PIWIL3: variants seen among roughly 807,000 people sequenced by gnomAD.
PIWIL3 encodes the protein piwi like RNA-mediated gene silencing 3.
A neutral mutation model predicts 109.7 loss-of-function variants in PIWIL3; 101 were observed. The observed-to-expected ratio is 0.92, with a 90% CI of 0.78 to 1.09. PIWIL3 has a LOEUF of 1.09. Ranked by LOEUF, PIWIL3 falls within the 50% of genes least tolerant of loss-of-function variation. The probability of loss-of-function intolerance (pLI) is 0.00; values close to 1 mark genes in which losing one functional copy is unlikely to be tolerated. For synonymous variants in PIWIL3, 373 were observed against 376.4 expected (o/e 0.99, Z 0.10); for missense variants, 1,031 against 1,072.6 (o/e 0.96, Z 0.54).
At chr22:24,758,579 G>A (rs1388343739) in intron 3 of PIWIL3, among the ~76,000 whole-genome samples, 1 of 152,160 alleles carries the variant, frequency 6.6e-6, no homozygotes, top group Non-Finnish European at 1.5e-5. Flanking sequence ...AGTGACGAGA[G>A]GCATCCTGAA....
intron 12 of PIWIL3, among the ~76,000 whole-genome samples, chr22:24,746,034 A>C (rs1079850): frequency 1.8e-3 from 279 of 152,326 alleles, no homozygotes; most frequent in African/African-American, 6.2e-3. Flanking sequence ...CATTTAAAGA[A>C]GAACTAATAC....
chr22:24,749,554 A>G, intron 10 of PIWIL3, 33 bp from the exon 11 acceptor site: 1 of 1,612,336 alleles, frequency 6.2e-7, no homozygotes, highest in Non-Finnish European at 8.5e-7. Context: ...CAGCTGAACA[A>G]GCATGAATTT....
intron 3 of PIWIL3, among the ~76,000 whole-genome samples, chr22:24,759,441 A>G (rs955395613): frequency 1.3e-5 from 2 of 152,228 alleles, no homozygotes; most frequent in Admixed American, 1.3e-4. Flanking sequence ...TTAGCAAATG[A>G]CAATATCTGA....
intron 1 of PIWIL3, among the ~76,000 whole-genome samples, chr22:24,762,735 G>A (rs898723658): frequency 7.9e-5 from 12 of 152,314 alleles, no homozygotes; most frequent in African/African-American, 2.9e-4. Context: ...AGCAAAAGTG[G>A]GGGAGAGATG....
intron 19 of PIWIL3, among the ~76,000 whole-genome samples, chr22:24,720,516 C>T (rs563789938): frequency 6.6e-6 from 1 of 152,228 alleles, no homozygotes; most frequent in East Asian, 1.9e-4. Flanking sequence ...CATGATCTGC[C>T]TGCCTCGGCC....
rs755077231 is a variant in PIWIL3, at chr22:24,719,728, A to T, written c.2505+20T>A. On this transcript the variant is annotated intron_variant, in intron 20 of 20. Coordinates refer to ENST00000616349, the MANE Select transcript of PIWIL3 (RefSeq NM_001255975.1). ...GTACATTTAAAAAATCTGAAGAAAA[A>T]AGTAACAAAAAGTACTTACTGGCAA... 5 of 1,599,190 alleles carry T rather than the reference A, an allele frequency of 3.1e-6. No homozygotes were observed. Among genetic ancestry groups the T allele is most frequent in the Non-Finnish European group, 1.7e-6 (2 of 1,167,208 alleles).
intron 1 of PIWIL3, among the ~76,000 whole-genome samples, chr22:24,770,205 C>A (rs1225044470): frequency 2.0e-5 from 3 of 152,138 alleles, no homozygotes; most frequent in Non-Finnish European, 4.4e-5. Flanking sequence ...GGTCACACAG[C>A]TAGCAAGTAT....
intron 12 of PIWIL3, among the ~76,000 whole-genome samples, chr22:24,748,063 T>C (rs1924475991): frequency 6.6e-6 from 1 of 151,956 alleles, no homozygotes. Flanking sequence ...ATGAAGAAAA[T>C]GTGATACATA....
At chr22:24,732,561 C>T (rs1923414309) in intron 14 of PIWIL3, among the ~76,000 whole-genome samples, 5 of 152,160 alleles carry the variant, frequency 3.3e-5, no homozygotes, top group Non-Finnish European at 4.4e-5. Flanking sequence ...CGGTGGCTCA[C>T]GCCTGTAATC....
At chr22:24,741,758 T>C (rs1222913200) in intron 12 of PIWIL3, among the ~76,000 whole-genome samples, 1 of 151,978 alleles carries the variant, frequency 6.6e-6, no homozygotes, top group East Asian at 1.9e-4. Flanking sequence ...TGCAAATACA[T>C]GGAAATTAGA....
In PIWIL3 at chr22:24,744,207, A is replaced by AC. The variant is rs758211159; in HGVS notation, c.1449+4699dup. On this transcript the variant is annotated intron_variant, in intron 12 of 20. Coordinates refer to ENST00000616349, the MANE Select transcript of PIWIL3 (RefSeq NM_001255975.1). Reference sequence around the variant, plus strand: ...AAAAAAAAAAAAAAAAAAAAAAAAAACAATGATCTGCTGCCTGCAAAAAAC... The same window carrying AC: ...AAAAAAAAAAAAAAAAAAAAAAAAAACCAATGATCTGCTGCCTGCAAAAAAC... 6.8e-4 allele frequency among the ~76,000 whole-genome samples: 92 copies of AC among 135,142 alleles called. 2 individuals are homozygous for AC. Among genetic ancestry groups the AC allele is most frequent in the South Asian group, 4.0e-3 (16 of 4,012 alleles). 88.7% of individuals were successfully genotyped at this position (135,142 alleles called of 152,430 possible). A position where few individuals can be genotyped will look rare whatever the true frequency, so the allele number is the denominator to read the frequency against.
intron 8 of PIWIL3, 135 bp from the exon 9 acceptor site, chr22:24,751,633 G>A (rs1265193823): frequency 2.1e-6 from 3 of 1,402,040 alleles, no homozygotes; most frequent in East Asian, 5.0e-5. Context: ...TTCACATACT[G>A]TACAACTCAC....
Position 24,728,337 on chromosome 22 carries a change from T to A in PIWIL3, c.1745A>T (p.Tyr582Phe), listed in dbSNP as rs1229607958. 6.2e-7 allele frequency: 1 copy of A among 1,614,194 alleles called. No homozygotes were observed. The highest frequency in any genetic ancestry group is 1.1e-5 in the South Asian group (1 of 91,080). The stretch of plus-strand genomic sequence containing the variant: ...ACATAGGTATCTTTTTATGCTGTCA[T>A]ATCTACGTTTGTCATCATTGGGCAG... ...CILPNDDKRR[Y>F]DSIKRYLCTK... The change falls in exon 15 of 21, where the codon TAT becomes TTT. Residue 582 changes from tyrosine (Y) to phenylalanine (F), a missense_variant. Physicochemically the swap from Tyr to Phe is conservative, Grantham distance 22 (BLOSUM62 3). Transcript: ENST00000616349.
At chr22:24,719,694 T>C (rs997214093) in intron 20 of PIWIL3, 54 bp downstream of exon 20, 38 of 1,571,338 alleles carry the variant, frequency 2.4e-5, no homozygotes, top group Non-Finnish European at 3.3e-5. Flanking sequence ...CATTGTTCAA[T>C]GTTGAATAGT....
Position 24,722,247 on chromosome 22 carries a change from T to C in PIWIL3, c.2357+883A>G, listed in dbSNP as rs1343294302. Reference sequence around the variant, plus strand: ...ACAGGTGCCCGCCACCATGCCCGGCTAATTTTTTGTATTTTTAGTGGAGAC... The same window carrying C: ...ACAGGTGCCCGCCACCATGCCCGGCCAATTTTTTGTATTTTTAGTGGAGAC... On this transcript the variant is annotated intron_variant, in intron 19 of 20. Transcript: ENST00000616349. Among the ~76,000 whole-genome samples the C allele has an allele frequency of 4.6e-5, 7 of 152,204 alleles. No homozygotes were observed. The East Asian group carries it at 1.4e-3, about 30-fold the overall frequency.
intron 14 of PIWIL3, among the ~76,000 whole-genome samples, chr22:24,731,691 T>A (rs910362041): frequency 6.6e-6 from 1 of 151,974 alleles, no homozygotes; most frequent in African/African-American, 2.4e-5. Flanking sequence ...TGTCTTTAGA[T>A]AAATGCACAC....
At chr22:24,770,672 A>C (rs1469271423) in intron 1 of PIWIL3, among the ~76,000 whole-genome samples, 1 of 132,686 alleles carries the variant, frequency 7.5e-6, no homozygotes, top group African/African-American at 2.8e-5. Flanking sequence ...AAAAAAAAAA[A>C]AAAAAAACAA....
At chr22:24,746,634 C>CA (rs35315202) in intron 12 of PIWIL3, among the ~76,000 whole-genome samples, 106,680 of 142,764 alleles carry the variant, frequency 0.75, 39,658 homozygotes, top group East Asian at 0.87. Flanking sequence ...CTAACGACTC[C>CA]AAAAAAAAAA....
chr22:24,754,826 T>C lies in PIWIL3; in HGVS notation c.731A>G (p.Asn244Ser), dbSNP rs769666495. The change falls in exon 7 of 21, where the codon AAC becomes AGC. Residue 244 changes from asparagine (N) to serine (S), a missense_variant. Coordinates refer to ENST00000616349, the MANE Select transcript of PIWIL3 (RefSeq NM_001255975.1). The part of the protein sequence containing the change: ...KLLDFEQVGR[N>S]YYTKKKAIQL... ...AATGGCCTTCTTTTTGGTATAATAG[T>C]TGCGACCAACTTGTTCAAAATCCAG... The C allele has an allele frequency of 1.2e-6, 2 of 1,613,196 alleles. No homozygotes were observed. The highest frequency in any genetic ancestry group is 2.2e-5 in the South Asian group (2 of 91,072).
Sources: allele counts gnomAD v4.1 joint callset (sites outside exome capture counted in the v4.1 genomes callset), GRCh38; gene constraint gnomAD v4.1.1; transcripts MANE v1.5; gene names NCBI Gene and HGNC (gene_info 2026-07-23, HGNC 2026-07-21).